The following GALNTL6 variants were observed in gnomAD, a reference collection of about 807,000 sequenced individuals.
GALNTL6 encodes polypeptide N-acetylgalactosaminyltransferase like 6.
Under a neutral mutation model 73.7 loss-of-function variants are expected in GALNTL6, and 46 were observed. That is an observed-to-expected ratio of 0.62 (90% CI 0.49 to 0.80). The LOEUF is 0.80. Ranked by LOEUF, GALNTL6 falls within the 30% of genes least tolerant of loss-of-function variation. The pLI, the probability that GALNTL6 is intolerant of heterozygous loss-of-function variation, is 0.00. For missense variants in GALNTL6, 604 were observed against 755.0 expected (o/e 0.80, Z 2.34); for synonymous variants, 259 against 263.7 (o/e 0.98, Z 0.17).
chr4:173,011,722 T>C (rs1752562520), intron 11 of GALNTL6, among the ~76,000 whole-genome samples: 2 of 152,182 alleles, frequency 1.3e-5, no homozygotes. Context: ...CTCTATTCTG[T>C]TCTGTGTAAG....
chr4:172,693,279 G>A (rs1319169646), intron 5 of GALNTL6, among the ~76,000 whole-genome samples: 1 of 152,104 alleles, frequency 6.6e-6, no homozygotes, highest in African/African-American at 2.4e-5. Flanking sequence ...TGGAAGTGGA[G>A]TCTATTTCTC....
At chr4:172,696,432 C>T (rs1347039072) in intron 5 of GALNTL6, among the ~76,000 whole-genome samples, 4 of 151,994 alleles carry the variant, frequency 2.6e-5, no homozygotes, top group Non-Finnish European at 4.4e-5. Context: ...TTTTTTATTT[C>T]TTTCTACACA....
chr4:172,128,119 A>C (rs751879368), intron 2 of GALNTL6, among the ~76,000 whole-genome samples: 2 of 152,150 alleles, frequency 1.3e-5, no homozygotes, highest in Non-Finnish European at 2.9e-5. Flanking sequence ...AAGAAAAAAA[A>C]AGTGTCTAAA....
chr4:172,285,251 T>G (rs1417774767), intron 3 of GALNTL6, among the ~76,000 whole-genome samples: 1 of 152,106 alleles, frequency 6.6e-6, no homozygotes, highest in Non-Finnish European at 1.5e-5. Context: ...GTGAGGAAAT[T>G]TATAGAAGCT....
intron 5 of GALNTL6, among the ~76,000 whole-genome samples, chr4:172,461,552 G>A (rs1329461396): frequency 1.3e-5 from 2 of 152,026 alleles, no homozygotes; most frequent in African/African-American, 2.4e-5. Flanking sequence ...CACTTTTATT[G>A]CAGGGGAACA....
At position 172,271,912 on chromosome 4, in the gene GALNTL6, AATATT is replaced by A. The variant is rs373146388; in HGVS notation, c.248-39695_248-39691del. Reference sequence around the variant, plus strand: ...GTAAATTTTGTGTTTGCTTTTTTGAAATATTATATTAGAGAAGATAGGGCCATCAT... The same window carrying A: ...GTAAATTTTGTGTTTGCTTTTTTGAAATATTAGAGAAGATAGGGCCATCAT... On this transcript the variant is annotated intron_variant, in intron 3 of 12. Coordinates refer to ENST00000506823, the MANE Select transcript of GALNTL6 (RefSeq NM_001034845.3). Among the ~76,000 whole-genome samples, 671 of 151,790 alleles carry A rather than the reference AATATT, an allele frequency of 4.4e-3. 2 individuals are homozygous for A. The highest frequency in any genetic ancestry group is 0.013 in the African/African-American group (533 of 41,426).
chr4:172,177,774 C>CATATACACATGTGTAT (rs1735063445), intron 2 of GALNTL6, among the ~76,000 whole-genome samples: 1 of 99,266 alleles, frequency 1.0e-5, no homozygotes, highest in Non-Finnish European at 2.0e-5. Context: ...TATATGTACA[C>CATATACACATGTGTAT]ATATATACAC....
At chr4:172,298,453 C>T (rs1739773109) in intron 3 of GALNTL6, among the ~76,000 whole-genome samples, 1 of 152,118 alleles carries the variant, frequency 6.6e-6, no homozygotes, top group Admixed American at 6.5e-5. Flanking sequence ...GGAATGCTTC[C>T]AGTTTTTGCC....
At chr4:172,563,857 T>C (rs1736467408) in intron 5 of GALNTL6, among the ~76,000 whole-genome samples, 1 of 152,226 alleles carries the variant, frequency 6.6e-6, no homozygotes, top group Admixed American at 6.5e-5. Flanking sequence ...CCTTATTTCT[T>C]AAACATTTAA....
intron 2 of GALNTL6, among the ~76,000 whole-genome samples, chr4:171,901,826 A>C (rs902008244): frequency 6.6e-6 from 1 of 152,188 alleles, no homozygotes; most frequent in African/African-American, 2.4e-5. Context: ...ATCATATGGG[A>C]GAAAAAATTA....
chr4:173,025,697 T>C (rs889844995), intron 12 of GALNTL6, among the ~76,000 whole-genome samples: 2 of 152,188 alleles, frequency 1.3e-5, no homozygotes, highest in African/African-American at 4.8e-5. Flanking sequence ...TGCTTTAGCC[T>C]CTCAATACTC....
intron 7 of GALNTL6, among the ~76,000 whole-genome samples, chr4:172,852,006 G>A (rs1743845960): frequency 6.6e-6 from 1 of 152,270 alleles, no homozygotes; most frequent in East Asian, 1.9e-4. Flanking sequence ...GCCAATCTGA[G>A]CCATCTTCAG....
intron 2 of GALNTL6, among the ~76,000 whole-genome samples, chr4:172,152,264 C>T (rs1443549179): frequency 6.6e-6 from 1 of 152,190 alleles, no homozygotes; most frequent in Non-Finnish European, 1.5e-5. Context: ...AGGTATGAGC[C>T]ACACTGCACT....
chr4:172,587,123 TA>T (rs1737442022), intron 5 of GALNTL6, among the ~76,000 whole-genome samples: 2 of 132,802 alleles, frequency 1.5e-5, no homozygotes, highest in South Asian at 5.4e-4. Flanking sequence ...ATTGGGGTTC[TA>T]AGAAAATTGT....
chr4:172,112,147 G>A (rs550741083), intron 2 of GALNTL6, among the ~76,000 whole-genome samples: 57 of 152,100 alleles, frequency 3.7e-4, no homozygotes, highest in African/African-American at 1.4e-3. Flanking sequence ...TATCCATCCA[G>A]TATTTAGCCT....
chr4:172,497,519 G>A (rs6819105), intron 5 of GALNTL6, among the ~76,000 whole-genome samples: 67 of 152,308 alleles, frequency 4.4e-4, no homozygotes, highest in African/African-American at 1.6e-3. Context: ...CCTAACACCA[G>A]CTTTCATGAT....
At chr4:172,038,222 C>T (rs1741991464) in intron 2 of GALNTL6, among the ~76,000 whole-genome samples, 1 of 152,012 alleles carries the variant, frequency 6.6e-6, no homozygotes, top group Non-Finnish European at 1.5e-5. Flanking sequence ...AACACTCTTT[C>T]TCTTGTTTTT....
At chr4:172,813,787 C>A in intron 7 of GALNTL6, 64 bp downstream of exon 7, 1 of 1,285,606 alleles carries the variant, frequency 7.8e-7, no homozygotes, top group Non-Finnish European at 1.1e-6. Flanking sequence ...AGTGTTAAAC[C>A]TGGGCTCAAG....
At chr4:172,145,874 C>A (rs1733914095) in intron 2 of GALNTL6, among the ~76,000 whole-genome samples, 1 of 152,014 alleles carries the variant, frequency 6.6e-6, no homozygotes. Context: ...TAGAAGTCCC[C>A]ATAATGACAT....
Sources: allele counts gnomAD v4.1 joint callset (sites outside exome capture counted in the v4.1 genomes callset), GRCh38; gene constraint gnomAD v4.1.1; transcripts MANE v1.5; gene names NCBI Gene and HGNC (gene_info 2026-07-23, HGNC 2026-07-21).